The following SPATA13 variants were observed in gnomAD, a reference collection of about 807,000 sequenced individuals.
SPATA13 encodes the protein spermatogenesis associated 13.
A neutral mutation model predicts 104.0 loss-of-function variants in SPATA13; 50 were observed. The observed-to-expected ratio is 0.48, with a 90% CI of 0.38 to 0.61. The LOEUF (loss-of-function observed/expected upper bound fraction) is 0.61. Ranked by LOEUF, SPATA13 falls within the 20% of genes least tolerant of loss-of-function variation. SPATA13 has a pLI of 0.00. For missense variants in SPATA13, 1,524 were observed against 1,690.6 expected, an observed-to-expected ratio of 0.90 and a Z score of 1.73; for synonymous variants, 606 against 667.5, an observed-to-expected ratio of 0.91 and a Z score of 1.42.
rs77440624 is a variant in SPATA13, at chr13:24,044,853, G to A, written c.-112+27152G>A. On this transcript the variant is annotated intron_variant, in intron 3 of 14. Transcript: ENST00000424834. ...TGGAATCTGAAAATATCCATCTCCT[G>A]GAGACAGTAAATAGAACGGTGGTTT... Among the ~76,000 whole-genome samples the A allele has an allele frequency of 3.0e-4, 43 of 143,722 alleles. No individual in the cohort carries two copies. The East Asian group carries it at 9.2e-3, about 31-fold the overall frequency. 94.3% of individuals were successfully genotyped at this position (143,722 alleles called of 152,430 possible).
intron 2 of SPATA13, among the ~76,000 whole-genome samples, chr13:23,984,603 C>A (rs1020298000): frequency 6.6e-6 from 1 of 152,140 alleles, no homozygotes; most frequent in African/African-American, 2.4e-5. Flanking sequence ...GTGTGAGGCC[C>A]CGGATGAAAT....
At position 24,290,883 on chromosome 13, in the gene SPATA13, G is replaced by A. The variant is rs138395874; in HGVS notation, c.3079G>A (p.Gly1027Ser). The change falls in exon 9 of 13, where the codon GGT (glycine) becomes AGT (serine). Residue 1027 changes from glycine (G) to serine (S), a missense_variant and splice_region_variant. This residue lies in a region of SPATA13 where 435 missense variants were observed against 554.8 expected (regional missense o/e 0.78). Coordinates refer to ENST00000382108, the MANE Select transcript of SPATA13 (RefSeq NM_001166271.3). ...GCTCAAGTATACCACACAGGAACAC[G>A]GGTGAGGGGCATGGGTAAGGGGCAC... The part of the protein sequence containing the change: ...ELLKYTTQEH[G>S]DYSNIKAAYE... 276 of 1,613,094 alleles carry A rather than the reference G, an allele frequency of 1.7e-4. 1 individual carries two copies. The African/African-American group carries it at 2.5e-3, about 15-fold the overall frequency.
At chr13:24,245,097 G>T (rs1375146420) in intron 2 of SPATA13, among the ~76,000 whole-genome samples, 2 of 152,166 alleles carry the variant, frequency 1.3e-5, no homozygotes, top group Non-Finnish European at 2.9e-5. Flanking sequence ...GCTATGCCCA[G>T]CTGCATGTTT....
At chr13:24,217,510 G>A (rs1228224378) in intron 1 of SPATA13, among the ~76,000 whole-genome samples, 2 of 152,190 alleles carry the variant, frequency 1.3e-5, no homozygotes, top group Non-Finnish European at 2.9e-5. Context: ...ATAAGACAAG[G>A]CTTCTGCCTA....
intron 2 of SPATA13, among the ~76,000 whole-genome samples, chr13:24,241,487 G>A (rs1458870460): frequency 2.6e-5 from 4 of 152,238 alleles, no homozygotes; most frequent in Non-Finnish European, 5.9e-5. Flanking sequence ...CTGGGTCAGA[G>A]GCCATCCCTC....
intron 3 of SPATA13, among the ~76,000 whole-genome samples, chr13:24,018,916 A>G (rs1876835983): frequency 6.6e-6 from 1 of 152,210 alleles, no homozygotes; most frequent in Admixed American, 6.5e-5. Context: ...AAAGTATGAA[A>G]AACTTAATTT....
rs895398123 is a variant in SPATA13, at chr13:24,227,997, C to T, written c.1653+3415C>T. Among the ~76,000 whole-genome samples the T allele has an allele frequency of 2.6e-5, 4 of 152,080 alleles. No homozygotes were observed. In the East Asian group the frequency reaches 5.8e-4, roughly 22 times the overall value. On this transcript the variant is annotated intron_variant, in intron 2 of 12. Coordinates refer to ENST00000382108, the MANE Select transcript of SPATA13 (RefSeq NM_001166271.3). Reference sequence around the variant, plus strand: ...CCAGCTCACTGCAACCTCTATCTCCCGGGTTCAAGCGATTCTTCCGCCTCA... The same window carrying T: ...CCAGCTCACTGCAACCTCTATCTCCTGGGTTCAAGCGATTCTTCCGCCTCA...
rs1358434334 is a variant in SPATA13 at position 24,274,591 on chromosome 13, C to T, written c.2165-9544C>T. Among the ~76,000 whole-genome samples, 8 of 152,356 alleles carry T rather than the reference C, an allele frequency of 5.3e-5. 1 individual carries two copies. The South Asian group carries it at 1.2e-3, about 24-fold the overall frequency. On this transcript the variant is annotated intron_variant, in intron 4 of 12. Coordinates refer to ENST00000382108, the MANE Select transcript of SPATA13 (RefSeq NM_001166271.3). Reference sequence around the variant, plus strand: ...TCTTGGGGTTCACCCATAGTTTCAGCCCACAGAGCAGCAGCCCGTGACAGC... The same window carrying T: ...TCTTGGGGTTCACCCATAGTTTCAGTCCACAGAGCAGCAGCCCGTGACAGC...
chr13:24,300,663 G>C (rs1446870287), intron 12 of SPATA13, 188 bp downstream of exon 12: 1 of 599,362 alleles, frequency 1.7e-6, no homozygotes, highest in Non-Finnish European at 3.0e-6. Flanking sequence ...ATGTGCGTCA[G>C]TGTTTGCTTC....
intron 3 of SPATA13, among the ~76,000 whole-genome samples, chr13:24,023,767 G>A (rs1407575208): frequency 6.6e-6 from 1 of 152,150 alleles, no homozygotes; most frequent in African/African-American, 2.4e-5. Flanking sequence ...TCTCAAAGCT[G>A]GGAAATTGAT....
chr13:24,092,280 G>A (rs546512385), intron 3 of SPATA13, among the ~76,000 whole-genome samples: 8 of 152,106 alleles, frequency 5.3e-5, no homozygotes, highest in Non-Finnish European at 8.8e-5. Context: ...TGGACATTCC[G>A]GCAGCTCTCT....
At chr13:24,005,764 A>G (rs1267397201) in intron 2 of SPATA13, among the ~76,000 whole-genome samples, 2 of 152,220 alleles carry the variant, frequency 1.3e-5, no homozygotes, top group East Asian at 3.8e-4. Context: ...ATTTGCCACA[A>G]CCCTGAAAGC....
chr13:23,981,429 G>C (rs912045772), intron 1 of SPATA13, among the ~76,000 whole-genome samples: 5 of 152,208 alleles, frequency 3.3e-5, no homozygotes, highest in African/African-American at 1.2e-4. Context: ...TACAGTGCTA[G>C]ACTTGAGAGC....
intron 1 of SPATA13, among the ~76,000 whole-genome samples, chr13:24,209,225 A>G (rs1870880741): frequency 1.3e-5 from 2 of 152,226 alleles, no homozygotes; most frequent in African/African-American, 2.4e-5. Context: ...TCAAGAGTAG[A>G]TATTTTAAAG....
Position 24,201,924 on chromosome 13 carries a change from C to T in SPATA13, c.-111-20895C>T, listed in dbSNP as rs141307394. 7.2e-3 allele frequency among the ~76,000 whole-genome samples: 1,094 copies of T among 152,192 alleles called. 16 individuals carry two copies. Among genetic ancestry groups the T allele is most frequent in the African/African-American group, 0.024 (991 of 41,502 alleles). On this transcript the variant is annotated intron_variant, in intron 1 of 12. Coordinates refer to ENST00000382108, the MANE Select transcript of SPATA13 (RefSeq NM_001166271.3). ...TTAGTCTCCATAGTTTTGCCTTTTC[C>T]AGAATGTCATGTAGTTGGAATCATG...
chr13:24,300,538 A>G, intron 12 of SPATA13, 63 bp downstream of exon 12: 1 of 1,489,270 alleles, frequency 6.7e-7, no homozygotes, highest in East Asian at 2.3e-5. Flanking sequence ...AAATGGGAGC[A>G]TACCCCAAGT....
intron 2 of SPATA13, among the ~76,000 whole-genome samples, chr13:24,237,176 T>C (rs1006856455): frequency 2.0e-5 from 3 of 151,738 alleles, no homozygotes; most frequent in Non-Finnish European, 4.4e-5. Context: ...GCCAACATGG[T>C]GAAACCCCAT....
At position 24,249,636 on chromosome 13, in the gene SPATA13, G is replaced by A; in HGVS notation, c.1813G>A (p.Glu605Lys). 6.2e-7 allele frequency: 1 copy of A among 1,614,148 alleles called. No individual in the cohort carries two copies. The highest frequency in any genetic ancestry group is 1.3e-5 in the African/African-American group (1 of 75,056). ...QLASRSLSIP[E>K]DSVAADPQKE... is the part of the protein sequence containing the mutation. ...GGCCAGCCGCAGTTTGTCTATTCCT[G>A]AAGACTCGGTTGCTGCAGACCCCCA... The change falls in exon 3 of 13, where the codon GAA becomes AAA. Residue 605 changes from glutamate to lysine, a missense_variant. Transcript: ENST00000382108.
At chr13:24,037,965 G>A (rs563735464) in intron 3 of SPATA13, among the ~76,000 whole-genome samples, 38 of 151,584 alleles carry the variant, frequency 2.5e-4, no homozygotes, top group South Asian at 1.0e-3. Flanking sequence ...AGGCTGCATT[G>A]CAGTGGCACA....
Sources: gnomAD v4.1 joint callset for allele counts (sites outside exome capture counted in the v4.1 genomes callset) on GRCh38, gnomAD v4.1.1 for gene constraint, gnomAD v4.1.1 regional missense constraint, MANE v1.5 for transcripts, NCBI Gene and HGNC (gene_info 2026-07-23, HGNC 2026-07-21) for gene names.